The following NPAS2 variants were observed in gnomAD, a reference collection of about 807,000 sequenced individuals.
NPAS2 encodes the protein neuronal PAS domain-containing protein 2.
In NPAS2, 23 loss-of-function variants were observed where a neutral mutation model predicts 107.5. The observed-to-expected ratio is 0.21, with a 90% CI of 0.15 to 0.30. The LOEUF (loss-of-function observed/expected upper bound fraction) is 0.30, where lower values mean the gene tolerates loss of function less well. NPAS2 is among the 10% of genes least tolerant of loss of function. The pLI, the probability that NPAS2 is intolerant of heterozygous loss-of-function variation, is 1.00. For synonymous variants in NPAS2, 403 were observed against 417.5 expected (o/e 0.97, Z 0.42); for missense variants, 756 against 1,043.3 (o/e 0.72, Z 3.79).
intron 1 of NPAS2, among the ~76,000 whole-genome samples, chr2:100,898,151 C>G (rs527292519): frequency 6.6e-6 from 1 of 152,118 alleles, no homozygotes; most frequent in South Asian, 2.1e-4. Flanking sequence ...TAACCTTGAA[C>G]TCCGGGCTCA....
At chr2:100,991,713 C>T (rs969917116) in intron 19 of NPAS2, among the ~76,000 whole-genome samples, 1 of 152,186 alleles carries the variant, frequency 6.6e-6, no homozygotes, top group Non-Finnish European at 1.5e-5. Flanking sequence ...GATAAAAACC[C>T]TAGGGTGTAG....
intron 3 of NPAS2, among the ~76,000 whole-genome samples, chr2:100,929,150 C>T (rs1683777480): frequency 6.6e-6 from 1 of 152,190 alleles, no homozygotes; most frequent in African/African-American, 2.4e-5. Context: ...AGTGATCTGC[C>T]CACCTTGGCC....
chr2:100,940,655 G>A (rs1486854747), intron 5 of NPAS2, among the ~76,000 whole-genome samples: 2 of 152,164 alleles, frequency 1.3e-5, no homozygotes, highest in Non-Finnish European at 1.5e-5. Context: ...GAAGTACATA[G>A]TTACCCAGTT....
At chr2:100,879,340 T>G (rs1487764948) in intron 1 of NPAS2, among the ~76,000 whole-genome samples, 1 of 152,192 alleles carries the variant, frequency 6.6e-6, no homozygotes, top group African/African-American at 2.4e-5. Flanking sequence ...AGTTACTTTT[T>G]TGTGTGACAA....
intron 1 of NPAS2, among the ~76,000 whole-genome samples, chr2:100,857,862 T>C (rs1447429643): frequency 6.6e-6 from 1 of 152,258 alleles, no homozygotes. Context: ...TTGGTCTCTC[T>C]TATGTCTGCT....
At chr2:100,933,646 C>T (rs1684122016) in intron 4 of NPAS2, among the ~76,000 whole-genome samples, 1 of 152,164 alleles carries the variant, frequency 6.6e-6, no homozygotes, top group Non-Finnish European at 1.5e-5. Flanking sequence ...CTTTCCTCAA[C>T]ATCATGTATT....
intron 1 of NPAS2, among the ~76,000 whole-genome samples, chr2:100,832,010 A>T (rs1676770742): frequency 6.6e-6 from 1 of 151,972 alleles, no homozygotes; most frequent in East Asian, 1.9e-4. Flanking sequence ...CTCTCCAGTT[A>T]TTCCTGGGAT....
intron 1 of NPAS2, among the ~76,000 whole-genome samples, chr2:100,882,020 G>T (rs1680381987): frequency 6.6e-6 from 1 of 152,260 alleles, no homozygotes; most frequent in Non-Finnish European, 1.5e-5. Context: ...CCGTGCCTCA[G>T]CTTGGAGCCT....
intron 1 of NPAS2, among the ~76,000 whole-genome samples, chr2:100,890,102 G>A (rs1228080895): frequency 1.3e-5 from 2 of 152,170 alleles, no homozygotes; most frequent in Non-Finnish European, 2.9e-5. Flanking sequence ...TGTGCATACT[G>A]TATGAGGTAT....
intron 4 of NPAS2, among the ~76,000 whole-genome samples, chr2:100,935,613 A>T (rs971016326): frequency 6.6e-6 from 1 of 152,148 alleles, no homozygotes; most frequent in African/African-American, 2.4e-5. Context: ...CAGCTTTTTA[A>T]CACCCGCTTG....
At chr2:100,818,898 G>T (rs1275000032), upstream of NPAS2, among the ~76,000 whole-genome samples, 2 of 152,194 alleles carry the variant, frequency 1.3e-5, no homozygotes, top group African/African-American at 4.8e-5. Context: ...GAACGCCGCC[G>T]CCCAGGTGAA....
intron 1 of NPAS2, among the ~76,000 whole-genome samples, chr2:100,850,689 A>C (rs991049892): frequency 2.6e-5 from 4 of 152,158 alleles, no homozygotes; most frequent in East Asian, 3.9e-4. Context: ...ACGGTGGCTC[A>C]TGCCTGTAAT....
chr2:100,907,489 A>AACACACACACACACACACACAC (rs55951417), intron 2 of NPAS2, among the ~76,000 whole-genome samples: 2 of 144,678 alleles, frequency 1.4e-5, no homozygotes, highest in African/African-American at 5.2e-5. Context: ...AACACTTGGG[A>AACACACACACACACACACACAC]ACACACACAC....
chr2:100,987,232 A>G (rs1677833425), intron 16 of NPAS2: 1 of 152,244 alleles, frequency 6.6e-6, no homozygotes, highest in African/African-American at 2.4e-5. Flanking sequence ...CACAGCGCCC[A>G]GCGTAAACAA....
Position 100,965,249 on chromosome 2 carries a change from A to G in NPAS2, c.800+306A>G, listed in dbSNP as rs1469485054. Among the ~76,000 whole-genome samples the G allele has an allele frequency of 6.6e-6, 1 of 151,752 alleles. No homozygotes were observed. Among genetic ancestry groups the G allele is most frequent in the Non-Finnish European group, 1.5e-5 (1 of 67,960 alleles). ...AAGTGTGAGAGAAATCTCTCATCTC[A>G]TTTTTTTCAACATCCTTTGATCTTT... is the stretch of plus-strand genomic sequence containing the variant. On this transcript the variant is annotated intron_variant, in intron 9 of 20. Coordinates refer to ENST00000335681, the MANE Select transcript of NPAS2 (RefSeq NM_002518.4). This position sits in a 1 kb window ranked among gnomAD's most constrained non-coding sequence, Gnocchi z 4.3.
At chr2:100,873,341 CATATAT>C (rs1182571813) in intron 1 of NPAS2, among the ~76,000 whole-genome samples, 4 of 123,032 alleles carry the variant, frequency 3.3e-5, no homozygotes, top group Non-Finnish European at 6.6e-5. Context: ...CACACACACA[CATATAT>C]ACATACACAC....
At chr2:100,896,922 A>G (rs541258336) in intron 1 of NPAS2, among the ~76,000 whole-genome samples, 4 of 152,302 alleles carry the variant, frequency 2.6e-5, no homozygotes, top group Admixed American at 2.6e-4. Flanking sequence ...TCATGCTGCT[A>G]TAAAGGACTG....
At chr2:100,906,602 T>A (rs1682163250) in intron 2 of NPAS2, among the ~76,000 whole-genome samples, 1 of 152,326 alleles carries the variant, frequency 6.6e-6, no homozygotes, top group East Asian at 1.9e-4. Flanking sequence ...GGCAATCTTT[T>A]TTGTGTGTGA....
chr2:100,854,002 T>C (rs1242950215), intron 1 of NPAS2, among the ~76,000 whole-genome samples: 1 of 148,414 alleles, frequency 6.7e-6, no homozygotes, highest in Non-Finnish European at 1.5e-5. Flanking sequence ...CACAAAAAAT[T>C]AGCAGGGCGT....
Sources: allele counts gnomAD v4.1 joint callset (sites outside exome capture counted in the v4.1 genomes callset), GRCh38; gene constraint gnomAD v4.1.1; non-coding constraint Gnocchi (gnomAD v3.1); transcripts MANE v1.5; gene names NCBI Gene and HGNC (gene_info 2026-07-23, HGNC 2026-07-21).